Variants in PPARG observed in about 807,000 individuals in gnomAD.
The protein encoded by PPARG is peroxisome proliferator-activated receptor gamma.
PPARG carries 17 observed loss-of-function variants against 39.2 expected under a neutral mutation model. The ratio of observed to expected loss-of-function variants is 0.43; its 90% CI spans 0.30 to 0.65. The LOEUF is 0.65. Among genes scored for constraint, PPARG ranks in the 30% least tolerant of loss-of-function variants. The pLI, the probability that PPARG is intolerant of heterozygous loss-of-function variation, is 0.13. For synonymous variants in PPARG, 223 were observed against 215.7 expected, an observed-to-expected ratio of 1.03 and a Z score of -0.30; for missense variants, 406 against 585.9, an observed-to-expected ratio of 0.69 and a Z score of 3.17.
chr3:12,335,908 A>G (rs1014547499), intron 2 of PPARG, among the ~76,000 whole-genome samples: 4 of 151,798 alleles, frequency 2.6e-5, no homozygotes, highest in African/African-American at 9.7e-5. Context: ...TCGTGACACC[A>G]CTGTCCTTTC....
intron 7 of PPARG, among the ~76,000 whole-genome samples, chr3:12,418,705 C>T (rs1358434740): frequency 2.0e-5 from 3 of 152,118 alleles, no homozygotes; most frequent in African/African-American, 4.8e-5. Context: ...TTCTCATTTG[C>T]GCAAGGTTAC....
At chr3:12,413,653 T>TA (rs890126070) in intron 6 of PPARG, among the ~76,000 whole-genome samples, 6 of 150,586 alleles carry the variant, frequency 4.0e-5, no homozygotes, top group African/African-American at 1.5e-4. Flanking sequence ...TACTAAAAAA[T>TA]AAAAAAATTT....
intron 7 of PPARG, among the ~76,000 whole-genome samples, chr3:12,421,350 G>T (rs767358490): frequency 6.6e-6 from 1 of 152,202 alleles, no homozygotes; most frequent in Non-Finnish European, 1.5e-5. Context: ...CTGACAGGCT[G>T]GGCGGTGTCA....
chr3:12,317,812 A>G (rs79392586), intron 2 of PPARG, among the ~76,000 whole-genome samples: 2,449 of 152,318 alleles, frequency 0.016, 67 homozygotes, highest in African/African-American at 0.055. Context: ...TGAACAAAAC[A>G]TACAAAGCAT....
In PPARG at chr3:12,417,047, T is replaced by G. The variant is rs188622140; in HGVS notation, c.1073T>G (p.Phe358Cys). ...REFLKSLRKP[F>C]GDFMEPKFEF... Reference sequence around the variant, plus strand: ...TTTCTAAAGAGCCTGCGAAAGCCTTTTGGTGACTTTATGGAGCCCAAGTTT... The same window carrying G: ...TTTCTAAAGAGCCTGCGAAAGCCTTGTGGTGACTTTATGGAGCCCAAGTTT... The change falls in exon 7 of 8, where the codon TTT becomes TGT. Residue 358 changes from phenylalanine (F) to cysteine (C), a missense_variant. Phe to Cys is a radical substitution (Grantham distance 205). Transcript: ENST00000651735. The G allele has an allele frequency of 6.2e-7, 1 of 1,613,104 alleles. No homozygotes were observed.
At chr3:12,335,522 CT>C (rs909344616) in intron 2 of PPARG, among the ~76,000 whole-genome samples, 1 of 152,128 alleles carries the variant, frequency 6.6e-6, no homozygotes, top group Non-Finnish European at 1.5e-5. Flanking sequence ...CACAAATTGA[CT>C]ATTGTTGTTT....
chr3:12,348,302 G>A (rs577811116), intron 2 of PPARG, among the ~76,000 whole-genome samples: 20 of 152,150 alleles, frequency 1.3e-4, no homozygotes, highest in Non-Finnish European at 2.9e-4. Context: ...ATCATTCACA[G>A]CTTTTATTGG....
At chr3:12,359,696 A>G (rs2048777478) in intron 2 of PPARG, among the ~76,000 whole-genome samples, 1 of 108,256 alleles carries the variant, frequency 9.2e-6, no homozygotes, top group Middle Eastern at 4.4e-3. Flanking sequence ...TTTTTTTGAG[A>G]CAGAGTCTCA....
chr3:12,396,775 A>G (rs1486045219), intron 5 of PPARG, among the ~76,000 whole-genome samples: 1 of 151,904 alleles, frequency 6.6e-6, no homozygotes, highest in Non-Finnish European at 1.5e-5. Context: ...AAAAAAAAAA[A>G]AGAATTGTGA....
intron 2 of PPARG, among the ~76,000 whole-genome samples, chr3:12,351,230 C>T (rs2048476493): frequency 6.6e-6 from 1 of 152,198 alleles, no homozygotes; most frequent in Admixed American, 6.5e-5. Flanking sequence ...ACAGTCTCTG[C>T]TCTGATAATT....
At chr3:12,350,741 A>G (rs2048460434) in intron 2 of PPARG, among the ~76,000 whole-genome samples, 1 of 152,000 alleles carries the variant, frequency 6.6e-6, no homozygotes, top group East Asian at 1.9e-4. Context: ...CTCATAGAGA[A>G]CTCCATTTTT....
upstream of PPARG, chr3:12,287,810 GCCCCCGCCCCCACCCCCACCCCCA>G (rs1263413860): frequency 7.0e-5 from 3 of 43,000 alleles, no homozygotes; most frequent in East Asian, 8.5e-4. Flanking sequence ...CCCCGCCCCC[GCCCCCGCCCCCACCCCCACCCCCA>G]CCCCCACCCC....
At chr3:12,331,112 G>T (rs796800776) in intron 2 of PPARG, among the ~76,000 whole-genome samples, 3 of 152,264 alleles carry the variant, frequency 2.0e-5, no homozygotes, top group African/African-American at 7.2e-5. Flanking sequence ...AGTGTTCTTT[G>T]TTACTAGTGT....
At chr3:12,316,488 A>G (rs1306435447) in intron 2 of PPARG, among the ~76,000 whole-genome samples, 1 of 152,172 alleles carries the variant, frequency 6.6e-6, no homozygotes, top group African/African-American at 2.4e-5. Context: ...TCAGTTTTGC[A>G]AGATGAAAGC....
intron 7 of PPARG, among the ~76,000 whole-genome samples, chr3:12,433,356 G>A (rs761527584): frequency 6.6e-6 from 1 of 152,154 alleles, no homozygotes; most frequent in Non-Finnish European, 1.5e-5. Context: ...TGGCCAACAT[G>A]GTGAAACCCT....
At chr3:12,403,259 C>T (rs1490392968) in intron 5 of PPARG, among the ~76,000 whole-genome samples, 1 of 148,756 alleles carries the variant, frequency 6.7e-6, no homozygotes, top group East Asian at 2.0e-4. Context: ...TGCCACTGCA[C>T]TCCAGCCTGG....
intron 2 of PPARG, among the ~76,000 whole-genome samples, chr3:12,314,146 G>A (rs963569802): frequency 5.3e-5 from 8 of 152,048 alleles, no homozygotes; most frequent in South Asian, 4.1e-4. Flanking sequence ...GTGTGATGGC[G>A]GATGCCCATA....
chr3:12,422,773 T>C (rs1462976067), intron 7 of PPARG, among the ~76,000 whole-genome samples: 4 of 151,814 alleles, frequency 2.6e-5, no homozygotes, highest in African/African-American at 4.8e-5. Context: ...TCCAAGCTAC[T>C]CTGGAGGCTG....
At chr3:12,344,413 A>C (rs367552013) in intron 2 of PPARG, among the ~76,000 whole-genome samples, 1 of 118 alleles carries the variant, frequency 8.5e-3, no homozygotes, top group Non-Finnish European at 0.014. Flanking sequence ...TTTAGACTGA[A>C]CCATCTACTA....
Sources: gnomAD v4.1 joint callset for allele counts (sites outside exome capture counted in the v4.1 genomes callset) on GRCh38, gnomAD v4.1.1 for gene constraint, MANE v1.5 for transcripts, NCBI Gene and HGNC (gene_info 2026-07-23, HGNC 2026-07-21) for gene names.